The following SEMA6B variants were observed in gnomAD, a reference collection of about 807,000 sequenced individuals.
SEMA6B encodes the protein semaphorin 6B.
In SEMA6B, 47 loss-of-function variants were observed where a neutral mutation model predicts 78.6. The observed-to-expected ratio is 0.60, with a 90% CI of 0.47 to 0.76. SEMA6B has a LOEUF of 0.76. Among genes scored for constraint, SEMA6B ranks in the 30% least tolerant of loss-of-function variants. SEMA6B has a pLI of 0.00. For missense variants in SEMA6B, 1,213 were observed against 1,269.9 expected (o/e 0.96, Z 0.68); for synonymous variants, 632 against 592.2 (o/e 1.07, Z -0.98).
At chr19:4,556,812 C>CG (rs1977482714) in intron 5 of SEMA6B, 139 bp downstream of exon 5, 1 of 600,916 alleles carries the variant, frequency 1.7e-6, no homozygotes, top group Non-Finnish European at 2.6e-6. Context: ...GGCAGTTGGG[C>CG]GGGGCCAGGG....
At chr19:4,557,064 G>A in intron 4 of SEMA6B, 51 bp from the exon 5 acceptor site, 3 of 1,599,776 alleles carry the variant, frequency 1.9e-6, no homozygotes, top group South Asian at 1.1e-5. Flanking sequence ...GCAGCCCTGA[G>A]TGACCCCGCC....
In SEMA6B at chr19:4,542,854, C is replaced by T. The variant is rs748572597; in HGVS notation, c.*747G>A. The T allele has an allele frequency of 3.1e-5, 22 of 702,054 alleles. No homozygotes were observed. Among genetic ancestry groups the T allele is most frequent in the Middle Eastern group, 2.5e-4 (1 of 4,022 alleles). The allele number at this position is 702,054 out of a possible 1,614,324, so 43.5% of individuals were successfully genotyped here. A position where few individuals can be genotyped will look rare whatever the true frequency, so the allele number is the denominator to read the frequency against. ...ATGTGACTTCCGGGCAGGCCCTCCTCGTGTCTCCTGCCTGAAACCCCGGCA... is the reference window on the plus strand; with the variant it reads ...ATGTGACTTCCGGGCAGGCCCTCCTTGTGTCTCCTGCCTGAAACCCCGGCA... On this transcript the variant is annotated 3_prime_UTR_variant, in exon 17 of 17. Coordinates refer to ENST00000586582, the MANE Select transcript of SEMA6B (RefSeq NM_032108.4).
In SEMA6B at chr19:4,552,053, A is replaced by C. The variant is rs1977347825; in HGVS notation, c.989+369T>G. ...TTCCCACACAGACTCTCTCACGATT[A>C]CTTAAGTATACTGAACTCACTGAAG... On this transcript the variant is annotated intron_variant, in intron 10 of 16. Transcript: ENST00000586582. This position sits in a 1 kb window ranked among gnomAD's most constrained non-coding sequence, Gnocchi z 7.4. Among the ~76,000 whole-genome samples the C allele has an allele frequency of 6.6e-6, 1 of 151,996 alleles. No individual in the cohort carries two copies. Among genetic ancestry groups the C allele is most frequent in the African/African-American group, 2.4e-5 (1 of 41,356 alleles).
In SEMA6B at chr19:4,542,851, CCT is replaced by C; in HGVS notation, c.*748_*749del. 1.4e-6 allele frequency: 1 copy of C among 702,058 alleles called. No individual in the cohort carries two copies. Among genetic ancestry groups the C allele is most frequent in the Non-Finnish European group, 2.6e-6 (1 of 384,824 alleles). The allele number at this position is 702,058 out of a possible 1,614,324, so 43.5% of individuals were successfully genotyped here. ...CCGATGTGACTTCCGGGCAGGCCCT[CCT>C]CGTGTCTCCTGCCTGAAACCCCGGC... On this transcript the variant is annotated 3_prime_UTR_variant, in exon 17 of 17. Coordinates refer to ENST00000586582, the MANE Select transcript of SEMA6B (RefSeq NM_032108.4).
In SEMA6B at chr19:4,552,653, T is replaced by C; in HGVS notation, c.772-14A>G. The stretch of plus-strand genomic sequence containing the variant: ...GGACACCACCACCTGGGCGTGACAG[T>C]GGACGGACGGGGGCCTGAGCTCTGT... On this transcript the variant is annotated splice_polypyrimidine_tract_variant and intron_variant, in intron 9 of 16. Coordinates refer to ENST00000586582, the MANE Select transcript of SEMA6B (RefSeq NM_032108.4). This position sits in a 1 kb window ranked among gnomAD's most constrained non-coding sequence, Gnocchi z 7.4. The C allele has an allele frequency of 6.3e-7, 1 of 1,587,500 alleles. No homozygotes were observed. The highest frequency in any genetic ancestry group is 8.6e-7 in the Non-Finnish European group (1 of 1,164,296).
In SEMA6B at chr19:4,552,275, C is replaced by G; in HGVS notation, c.989+147G>C. 1.3e-6 allele frequency: 1 copy of G among 755,472 alleles called. No individual in the cohort carries two copies. Among genetic ancestry groups the G allele is most frequent in the Non-Finnish European group, 2.2e-6 (1 of 464,196 alleles). 46.8% of individuals were successfully genotyped at this position (755,472 alleles called of 1,614,324 possible). A position where few individuals can be genotyped will look rare whatever the true frequency, so the allele number is the denominator to read the frequency against. On this transcript the variant is annotated intron_variant, in intron 10 of 16. Transcript: ENST00000586582. This position sits in a 1 kb window ranked among gnomAD's most constrained non-coding sequence, Gnocchi z 7.4. The stretch of plus-strand genomic sequence containing the variant: ...TTAGAGGGTCAGTGTCAGCTTGTCC[C>G]ACCCCAGCCTGGGGCCGAGGCCTCT...
At chr19:4,546,098 A>G in intron 16 of SEMA6B, 118 bp downstream of exon 16, 2 of 1,080,492 alleles carry the variant, frequency 1.9e-6, no homozygotes, top group Non-Finnish European at 2.6e-6. Flanking sequence ...AAGTTCTCTG[A>G]TGGAGTCCAG....
intron 9 of SEMA6B, among the ~76,000 whole-genome samples, chr19:4,553,287 T>A (rs1448944438): frequency 6.6e-6 from 1 of 151,422 alleles, no homozygotes; most frequent in Non-Finnish European, 1.5e-5. Context: ...GATAGGTGAA[T>A]AAGTGGATGA....
Position 4,554,882 on chromosome 19 carries a change from G to T in SEMA6B, c.682+94C>A, listed in dbSNP as rs187377373. ...GATGTGGTGGAAATCTCTCCACCAA[G>T]CTCCTCTGGGACTCTTATTCTGGTG... On this transcript the variant is annotated intron_variant, in intron 8 of 16. Coordinates refer to ENST00000586582, the MANE Select transcript of SEMA6B (RefSeq NM_032108.4). 62 of 1,413,556 alleles carry T rather than the reference G, an allele frequency of 4.4e-5. No individual in the cohort carries two copies. The African/African-American group carries it at 8.6e-4, about 20-fold the overall frequency. 87.6% of individuals were successfully genotyped at this position (1,413,556 alleles called of 1,614,324 possible).
At chr19:4,554,037 TGAA>T (rs1977407281) in intron 9 of SEMA6B, among the ~76,000 whole-genome samples, 1 of 150,892 alleles carries the variant, frequency 6.6e-6, no homozygotes, top group African/African-American at 2.4e-5. Context: ...GTGGGTGGGC[TGAA>T]GAACAGACAG....
In SEMA6B at chr19:4,550,224, G is replaced by A. The variant is rs897163167; in HGVS notation, c.1170C>T (p.Ala390=). Residue 390 remains alanine, a synonymous_variant, in exon 12 of 17, where the codon GCC becomes GCT. Transcript: ENST00000586582. This position sits in a 1 kb window ranked among gnomAD's most constrained non-coding sequence, Gnocchi z 6.6. ...APGMQYNASS[A]LPDDILNFVK... Reference sequence around the variant, plus strand: ...CAAAGTTGAGGATGTCATCCGGCAAGGCGCTGGAGGCATTGTACTGCATCC... The same window carrying A: ...CAAAGTTGAGGATGTCATCCGGCAAAGCGCTGGAGGCATTGTACTGCATCC... 3.1e-6 allele frequency: 5 copies of A among 1,613,756 alleles called. No individual in the cohort carries two copies. The highest frequency in any genetic ancestry group is 1.7e-4 in the Middle Eastern group (1 of 6,058).
In SEMA6B at chr19:4,546,398, C is replaced by A; in HGVS notation, c.1673G>T (p.Gly558Val). The A allele has an allele frequency of 6.3e-7, 1 of 1,583,944 alleles. No homozygotes were observed. Among genetic ancestry groups the A allele is most frequent in the Non-Finnish European group, 8.6e-7 (1 of 1,164,366 alleles). ...PDGSCIFLSP[G>V]TRAAFEQDVS... is the part of the protein sequence containing the mutation. ...CCTCCCTCTCCCGCAGTACCTGGTG[C>A]CCGGGCTGAGGAAGATGCAGGAGCC... The change falls in exon 15 of 17, where the codon GGC becomes GTC. Residue 558 changes from glycine (G) to valine (V), a missense_variant. Gly to Val is a moderately radical substitution (Grantham distance 109). Transcript: ENST00000586582.
At chr19:4,545,625 C>A (rs1163227618) in intron 16 of SEMA6B, among the ~76,000 whole-genome samples, 3 of 152,286 alleles carry the variant, frequency 2.0e-5, no homozygotes, top group African/African-American at 7.2e-5. Flanking sequence ...TAGGCAGGAG[C>A]TGCCGCGCCT....
intron 14 of SEMA6B, 141 bp downstream of exon 14, chr19:4,547,886 G>A (rs4807600): frequency 1.3e-5 from 14 of 1,061,162 alleles, no homozygotes; most frequent in South Asian, 1.9e-5. Flanking sequence ...GGTCCTGCCC[G>A]CGGGCCTTTG....
At chr19:4,557,897 T>G (rs1426328386) in intron 3 of SEMA6B, 129 bp downstream of exon 3, 1 of 813,626 alleles carries the variant, frequency 1.2e-6, no homozygotes, top group African/African-American at 1.8e-5. Flanking sequence ...GGTCAAAGCC[T>G]AAGTCCTCCC....
In SEMA6B at chr19:4,552,159, C is replaced by G. The variant is rs1481901269; in HGVS notation, c.989+263G>C. Among the ~76,000 whole-genome samples, 1 of 152,222 alleles carries G rather than the reference C, an allele frequency of 6.6e-6. No individual in the cohort carries two copies. The highest frequency in any genetic ancestry group is 1.5e-5 in the Non-Finnish European group (1 of 68,034). On this transcript the variant is annotated intron_variant, in intron 10 of 16. Coordinates refer to ENST00000586582, the MANE Select transcript of SEMA6B (RefSeq NM_032108.4). The surrounding 1 kb of genome is among the most constrained non-coding windows in gnomAD (Gnocchi z 7.4). ...TCCATCTCACACCCAAAGTCCAGCT[C>G]CAATGTCCCCTCCTCCAGGAAGCCC...
At chr19:4,548,504 C>T (rs940653129) in intron 12 of SEMA6B, 59 bp from the exon 13 acceptor site, 21 of 1,484,238 alleles carry the variant, frequency 1.4e-5, no homozygotes, top group East Asian at 6.9e-5. Flanking sequence ...GCCACCAACA[C>T]GGGCATGGCC....
intron 9 of SEMA6B, among the ~76,000 whole-genome samples, chr19:4,553,443 GGTGA>G (rs1199183462): frequency 7.3e-6 from 1 of 137,088 alleles, no homozygotes; most frequent in African/African-American, 2.8e-5. Flanking sequence ...TGGTTGGATG[GGTGA>G]GTGGATGGAT....
rs755218942 is a variant in SEMA6B at position 4,555,994 on chromosome 19, G to T, written c.465C>A (p.Asn155Lys). Reference sequence around the variant, plus strand: ...AGGGAGTCTGAAGACTCACGCTGTAGTTGGCGCACACCGGGTTGAAGGCGT... The same window carrying T: ...AGGGAGTCTGAAGACTCACGCTGTATTTGGCGCACACCGGGTTGAAGGCGT... ...GSNAFNPVCANYSIDTLQPVG... is the reference protein window; with the variant it reads ...GSNAFNPVCAKYSIDTLQPVG... Residue 155 changes from asparagine (N) to lysine (K), a missense_variant, in exon 6 of 17, where the codon AAC (asparagine) becomes AAA (lysine). Physicochemically the swap from Asn to Lys is moderately conservative, Grantham distance 94. Coordinates refer to ENST00000586582, the MANE Select transcript of SEMA6B (RefSeq NM_032108.4). The surrounding 1 kb of genome is among the most constrained non-coding windows in gnomAD (Gnocchi z 6.1). 6.2e-7 allele frequency: 1 copy of T among 1,613,492 alleles called. No individual in the cohort carries two copies. Among genetic ancestry groups the T allele is most frequent in the South Asian group, 1.1e-5 (1 of 91,076 alleles).
Sources: gnomAD v4.1 joint callset for allele counts (sites outside exome capture counted in the v4.1 genomes callset) on GRCh38, gnomAD v4.1.1 for gene constraint, Gnocchi (gnomAD v3.1) non-coding constraint, MANE v1.5 for transcripts, NCBI Gene and HGNC (gene_info 2026-07-23, HGNC 2026-07-21) for gene names.